The following LRP8 variants were observed in gnomAD, a reference collection of about 807,000 sequenced individuals.
LRP8 encodes the protein low-density lipoprotein receptor-related protein 8.
In LRP8, 46 loss-of-function variants were observed where a neutral mutation model predicts 111.6. That is an observed-to-expected ratio of 0.41 (90% CI 0.33 to 0.53). The LOEUF (loss-of-function observed/expected upper bound fraction) is 0.53. Ranked by LOEUF, LRP8 falls within the 20% of genes least tolerant of loss-of-function variation. LRP8 has a pLI of 0.20. For missense variants in LRP8, 959 were observed against 1,297.4 expected (o/e 0.74, Z 4.01); for synonymous variants, 464 against 511.2 (o/e 0.91, Z 1.24).
intron 2 of LRP8, among the ~76,000 whole-genome samples, chr1:53,311,847 G>A (rs993559166): frequency 4.6e-5 from 7 of 152,170 alleles, no homozygotes; most frequent in African/African-American, 1.2e-4. Flanking sequence ...TGGGACTATG[G>A]GCTCAGTGTC....
At chr1:53,307,750 G>C (rs1652252435) in intron 2 of LRP8, among the ~76,000 whole-genome samples, 1 of 152,228 alleles carries the variant, frequency 6.6e-6, no homozygotes, top group African/African-American at 2.4e-5. Flanking sequence ...TTCTCCCAGA[G>C]GGCTGCCATT....
At chr1:53,272,193 C>T (rs1467382397) in intron 6 of LRP8, among the ~76,000 whole-genome samples, 1 of 152,066 alleles carries the variant, frequency 6.6e-6, no homozygotes, top group Non-Finnish European at 1.5e-5. Flanking sequence ...AGCACCTGTC[C>T]CTGTTCCTCC....
intron 2 of LRP8, among the ~76,000 whole-genome samples, chr1:53,298,231 T>G (rs1479957958): frequency 6.6e-6 from 1 of 152,186 alleles, no homozygotes. Flanking sequence ...CTGGGGTATG[T>G]AGGCCTCCCT....
rs750507411 is a variant in LRP8, at chr1:53,266,348, C to T, written c.1427+125G>A. The T allele has an allele frequency of 8.2e-5, 79 of 967,822 alleles. No individual in the cohort carries two copies. The highest frequency in any genetic ancestry group is 1.2e-4 in the Non-Finnish European group (76 of 644,506). 60.0% of individuals were successfully genotyped at this position (967,822 alleles called of 1,614,324 possible). On this transcript the variant is annotated intron_variant, in intron 9 of 18. Transcript: ENST00000306052. The surrounding 1 kb of genome is among the most constrained non-coding windows in gnomAD (Gnocchi z 5.0). Reference sequence around the variant, plus strand: ...TTCCATATCCACTGTGATCCTGCATCTCTTCCCAAGTCCCAACTCTGTCCT... The same window carrying T: ...TTCCATATCCACTGTGATCCTGCATTTCTTCCCAAGTCCCAACTCTGTCCT...
At position 53,303,685 on chromosome 1, in the gene LRP8, G is replaced by A. The variant is rs35632498; in HGVS notation, c.245-13996C>T. Among the ~76,000 whole-genome samples, 1,900 of 152,324 alleles carry A rather than the reference G, an allele frequency of 0.012. 18 individuals carry two copies. Among genetic ancestry groups the A allele is most frequent in the Middle Eastern group, 0.037 (11 of 294 alleles). On this transcript the variant is annotated intron_variant, in intron 2 of 18. Coordinates refer to ENST00000306052, the MANE Select transcript of LRP8 (RefSeq NM_004631.5). This position sits in a 1 kb window ranked among gnomAD's most constrained non-coding sequence, Gnocchi z 4.3. The stretch of plus-strand genomic sequence containing the variant: ...ATCACAAATCTTAGACTCACAAACA[G>A]AACAAAACCCTAGAAGCTTCTAATC...
chr1:53,278,529 A>G (rs1043685934), intron 4 of LRP8, among the ~76,000 whole-genome samples: 5 of 152,246 alleles, frequency 3.3e-5, no homozygotes, highest in Admixed American at 6.5e-5. Flanking sequence ...AGCTCGTGTC[A>G]TGCGTTTCTG....
chr1:53,250,685 C>T lies in LRP8; in HGVS notation c.2676+5G>A. ...GTAGGAATTCTCCCAGTGAGAAATA[C>T]TTACTGCAGGATAGACATGGCCAAT... On this transcript the variant is annotated splice_donor_5th_base_variant and intron_variant, in intron 17 of 18. Coordinates refer to ENST00000306052, the MANE Select transcript of LRP8 (RefSeq NM_004631.5). The surrounding 1 kb of genome is among the most constrained non-coding windows in gnomAD (Gnocchi z 4.6). 6 of 1,612,690 alleles carry T rather than the reference C, an allele frequency of 3.7e-6. No individual in the cohort carries two copies. The highest frequency in any genetic ancestry group is 5.1e-6 in the Non-Finnish European group (6 of 1,179,022).
chr1:53,327,923 G>T lies in LRP8; in HGVS notation c.-11C>A. 1.6e-6 allele frequency: 2 copies of T among 1,216,308 alleles called. No homozygotes were observed. The highest frequency in any genetic ancestry group is 6.9e-5 in the East Asian group (2 of 28,802). The allele number at this position is 1,216,308 out of a possible 1,614,324, so 75.3% of individuals were successfully genotyped here. On this transcript the variant is annotated 5_prime_UTR_variant, in exon 1 of 19. Transcript: ENST00000306052. ...CTCGGGGAGGCCCATGGCGGGCCCG[G>T]GGCTCCGGCCGCCGCGCCCCGCGCT...
chr1:53,247,995 T>G (rs1326392516), intron 18 of LRP8, among the ~76,000 whole-genome samples: 1 of 152,194 alleles, frequency 6.6e-6, no homozygotes, highest in Non-Finnish European at 1.5e-5. Flanking sequence ...GCCAGCCACT[T>G]TACTTCTCTG....
intron 13 of LRP8, 122 bp downstream of exon 13, chr1:53,260,342 G>A (rs1170474422): frequency 3.6e-6 from 3 of 840,544 alleles, no homozygotes; most frequent in African/African-American, 3.4e-5. Flanking sequence ...AAGAGGGATT[G>A]TTGTTATTAT....
chr1:53,291,043 C>T (rs1648653176), intron 2 of LRP8, among the ~76,000 whole-genome samples: 2 of 152,202 alleles, frequency 1.3e-5, no homozygotes, highest in African/African-American at 4.8e-5. Flanking sequence ...GAGCACTGGG[C>T]AGGGAGTCCG....
chr1:53,325,283 C>G (rs1243980158), intron 2 of LRP8, among the ~76,000 whole-genome samples: 4 of 152,250 alleles, frequency 2.6e-5, no homozygotes, highest in Non-Finnish European at 5.9e-5. Flanking sequence ...AGCTGCTAAG[C>G]AGGTAACTTC....
chr1:53,323,094 A>T (rs1654724221), intron 2 of LRP8, among the ~76,000 whole-genome samples: 1 of 152,182 alleles, frequency 6.6e-6, no homozygotes, highest in Non-Finnish European at 1.5e-5. Flanking sequence ...AGCGAGGTGG[A>T]GTAGCCTTAA....
chr1:53,292,462 C>T (rs1228826283), intron 2 of LRP8, among the ~76,000 whole-genome samples: 1 of 152,160 alleles, frequency 6.6e-6, no homozygotes, highest in Non-Finnish European at 1.5e-5. Context: ...ACTGAGAGGT[C>T]ATCGTCAATG....
In LRP8 at chr1:53,249,748, ACTG is replaced by A. The variant is rs1237449226; in HGVS notation, c.2677-195_2677-193del. Among the ~76,000 whole-genome samples, 6 of 152,094 alleles carry A rather than the reference ACTG, an allele frequency of 3.9e-5. No individual in the cohort carries two copies. Among genetic ancestry groups the A allele is most frequent in the Non-Finnish European group, 8.8e-5 (6 of 68,006 alleles). On this transcript the variant is annotated intron_variant, in intron 17 of 18. Coordinates refer to ENST00000306052, the MANE Select transcript of LRP8 (RefSeq NM_004631.5). This position sits in a 1 kb window ranked among gnomAD's most constrained non-coding sequence, Gnocchi z 4.1. ...ATTTCCCTCCTTCTCTCCCGGGAAA[ACTG>A]CTATTAATCTTTCAAGGACATAGTC...
chr1:53,313,957 T>C (rs1291671878), intron 2 of LRP8, among the ~76,000 whole-genome samples: 1 of 152,086 alleles, frequency 6.6e-6, no homozygotes, highest in Admixed American at 6.5e-5. Context: ...AGGAAGGGCA[T>C]GGCAGTGGGT....
In LRP8 at chr1:53,262,543, C is replaced by A. The variant is rs779977458; in HGVS notation, c.1677G>T (p.Trp559Cys). ...PLRGFMYWSD[W>C]GDQAKIEKSG... ...ATTTCTCAATCTTGGCCTGGTCCCC[C>A]CAGTCAGACCAATACATGAACCTAA... The change falls in exon 11 of 19, where the codon TGG (tryptophan) becomes TGT (cysteine). Residue 559 changes from tryptophan (W) to cysteine (C), a missense_variant. By Grantham distance (215) the Trp-to-Cys change is radical. This residue lies in a region of LRP8 where 819 missense variants were observed against 1,097.6 expected (regional missense o/e 0.75). Coordinates refer to ENST00000306052, the MANE Select transcript of LRP8 (RefSeq NM_004631.5). The surrounding 1 kb of genome is among the most constrained non-coding windows in gnomAD (Gnocchi z 4.8). 8.1e-6 allele frequency: 13 copies of A among 1,614,068 alleles called. No homozygotes were observed. The highest frequency in any genetic ancestry group is 1.1e-5 in the South Asian group (1 of 91,090).
intron 6 of LRP8, chr1:53,272,594 AC>A: frequency 7.8e-7 from 1 of 1,290,082 alleles, no homozygotes; most frequent in Non-Finnish European, 1.0e-6. Flanking sequence ...TTAGGGAATA[AC>A]CCCTTTACCC....
chr1:53,268,220 C>T (rs1163787139), intron 8 of LRP8: 1 of 152,352 alleles, frequency 6.6e-6, no homozygotes, highest in East Asian at 1.9e-4. Context: ...AGTAATGACA[C>T]TTCACCTCCC....
Sources: gnomAD v4.1 joint callset for allele counts (sites outside exome capture counted in the v4.1 genomes callset) on GRCh38, gnomAD v4.1.1 for gene constraint, gnomAD v4.1.1 regional missense constraint, Gnocchi (gnomAD v3.1) non-coding constraint, MANE v1.5 for transcripts, NCBI Gene and HGNC (gene_info 2026-07-23, HGNC 2026-07-21) for gene names.